TRPS1: variants seen among roughly 807,000 people sequenced by gnomAD.
TRPS1 encodes zinc finger transcription factor Trps1.
Under a neutral mutation model 101.2 loss-of-function variants are expected in TRPS1, and 6 were observed. That is an observed-to-expected ratio of 0.06 (90% CI 0.03 to 0.12). The LOEUF (loss-of-function observed/expected upper bound fraction) is 0.12. Ranked by LOEUF, TRPS1 falls within the 10% of genes least tolerant of loss-of-function variation. The pLI is 1.00. For missense variants in TRPS1, 1,363 were observed against 1,567.0 expected (o/e 0.87, Z 2.20); for synonymous variants, 578 against 589.8 (o/e 0.98, Z 0.29).
chr8:115,447,968 TC>T (rs1478872405), intron 5 of TRPS1, among the ~76,000 whole-genome samples: 1 of 152,184 alleles, frequency 6.6e-6, no homozygotes, highest in African/African-American at 2.4e-5. Context: ...TTAGTAAGCC[TC>T]TGATGTCTTT....
At chr8:115,494,724 A>C (rs1042823395) in intron 5 of TRPS1, among the ~76,000 whole-genome samples, 1 of 152,190 alleles carries the variant, frequency 6.6e-6, no homozygotes, top group Non-Finnish European at 1.5e-5. Context: ...TCACATTTTA[A>C]CCTCTTGATG....
intron 5 of TRPS1, among the ~76,000 whole-genome samples, chr8:115,534,307 A>C (rs1199481000): frequency 9.3e-5 from 14 of 150,472 alleles, no homozygotes; most frequent in Non-Finnish European, 1.6e-4. Context: ...CTGGAGATTG[A>C]AGCTCTAACC....
At chr8:115,499,963 C>CTTTCT (rs1563555736) in intron 5 of TRPS1, among the ~76,000 whole-genome samples, 1 of 52,502 alleles carries the variant, frequency 1.9e-5, no homozygotes, top group South Asian at 7.3e-4. Context: ...TTCTTTCTTT[C>CTTTCT]TTTTCTTTTC....
chr8:115,531,339 T>C (rs1650112495), intron 5 of TRPS1, among the ~76,000 whole-genome samples: 1 of 152,180 alleles, frequency 6.6e-6, no homozygotes, highest in Non-Finnish European at 1.5e-5. Context: ...CAAAAATGTT[T>C]GCAAATCGGG....
chr8:115,602,714 A>G (rs1332361359), intron 4 of TRPS1, among the ~76,000 whole-genome samples: 2 of 152,200 alleles, frequency 1.3e-5, no homozygotes, highest in African/African-American at 4.8e-5. Context: ...TGGGATGTAG[A>G]AATTGAATAG....
At chr8:115,642,261 T>C (rs201978013) in intron 1 of TRPS1, among the ~76,000 whole-genome samples, 21 of 148,158 alleles carry the variant, frequency 1.4e-4, no homozygotes, top group Admixed American at 3.4e-4. Context: ...TATATATATA[T>C]ACACACATAC....
intron 5 of TRPS1, among the ~76,000 whole-genome samples, chr8:115,435,801 T>C (rs1285926525): frequency 6.6e-6 from 1 of 152,186 alleles, no homozygotes; most frequent in Non-Finnish European, 1.5e-5. Context: ...GGTATGTTTA[T>C]TTATAAACGT....
At chr8:115,658,998 C>A (rs1243051929) in intron 1 of TRPS1, among the ~76,000 whole-genome samples, 1 of 151,938 alleles carries the variant, frequency 6.6e-6, no homozygotes, top group African/African-American at 2.4e-5. Context: ...TGAGGGCATT[C>A]CTTCAAAAGC....
At chr8:115,640,781 G>T (rs991113729) in intron 1 of TRPS1, among the ~76,000 whole-genome samples, 4 of 152,204 alleles carry the variant, frequency 2.6e-5, no homozygotes, top group Non-Finnish European at 4.4e-5. Flanking sequence ...CTCTTGGTTA[G>T]AGGTAAACTG....
At chr8:115,621,066 AAAG>A (rs1293570684) in intron 2 of TRPS1, among the ~76,000 whole-genome samples, 1 of 152,242 alleles carries the variant, frequency 6.6e-6, no homozygotes, top group Admixed American at 6.5e-5. Context: ...ACTGGGGTCA[AAAG>A]AAGAATACTG....
intron 1 of TRPS1, among the ~76,000 whole-genome samples, chr8:115,640,322 C>A (rs553975218): frequency 3.9e-5 from 6 of 152,262 alleles, no homozygotes; most frequent in African/African-American, 1.4e-4. Flanking sequence ...ATAAAACAAT[C>A]TCCTCTGAAT....
chr8:115,547,762 A>G (rs1033357529), intron 5 of TRPS1, among the ~76,000 whole-genome samples: 11 of 152,014 alleles, frequency 7.2e-5, no homozygotes, highest in Non-Finnish European at 1.0e-4. Context: ...TCTCTCCACC[A>G]TTCCTTCTAC....
intron 5 of TRPS1, among the ~76,000 whole-genome samples, chr8:115,490,333 T>A (rs1265147285): frequency 6.6e-6 from 1 of 152,148 alleles, no homozygotes; most frequent in African/African-American, 2.4e-5. Flanking sequence ...TATAAGGGGA[T>A]AAAGATATAT....
intron 5 of TRPS1, among the ~76,000 whole-genome samples, chr8:115,503,969 G>A (rs1315806326): frequency 6.6e-6 from 1 of 152,248 alleles, no homozygotes; most frequent in African/African-American, 2.4e-5. Flanking sequence ...AAGGGCACAC[G>A]TGAAATCCCC....
chr8:115,449,844 G>C (rs1224874137), intron 5 of TRPS1, among the ~76,000 whole-genome samples: 1 of 152,138 alleles, frequency 6.6e-6, no homozygotes, highest in Non-Finnish European at 1.5e-5. Context: ...TGCTGGAAGA[G>C]AAATAATGGT....
At chr8:115,466,465 C>A (rs1586301973) in intron 5 of TRPS1, among the ~76,000 whole-genome samples, 1 of 152,200 alleles carries the variant, frequency 6.6e-6, no homozygotes. Flanking sequence ...AACTTTAATG[C>A]AAACTCTACA....
chr8:115,613,840 A>C (rs1029023539), intron 3 of TRPS1, among the ~76,000 whole-genome samples: 1 of 152,226 alleles, frequency 6.6e-6, no homozygotes, highest in African/African-American at 2.4e-5. Context: ...TGATTATGTA[A>C]ACTAAAAGAT....
intron 5 of TRPS1, among the ~76,000 whole-genome samples, chr8:115,496,695 T>C (rs1320265391): frequency 6.6e-6 from 1 of 152,146 alleles, no homozygotes; most frequent in Non-Finnish European, 1.5e-5. Context: ...CTAAATGTTA[T>C]GAAGAAAGGA....
rs191461744 is a variant in TRPS1, at chr8:115,450,277, A to C, written c.2701-31825T>G. On this transcript the variant is annotated intron_variant, in intron 5 of 6. Coordinates refer to ENST00000395715, the MANE Select transcript of TRPS1 (RefSeq NM_014112.5). ...ATCGTGATATGGAGCCAGAAAGTGA[A>C]TTCCAAACCCAATGAGATTAGACAG... Among the ~76,000 whole-genome samples, 149 of 152,278 alleles carry C rather than the reference A, an allele frequency of 9.8e-4. 1 individual carries two copies. The East Asian group carries it at 0.026, about 27-fold the overall frequency.
Sources: allele counts gnomAD v4.1 joint callset (sites outside exome capture counted in the v4.1 genomes callset), GRCh38; gene constraint gnomAD v4.1.1; transcripts MANE v1.5; gene names NCBI Gene and HGNC (gene_info 2026-07-23, HGNC 2026-07-21).